Variants in THOC7 observed in about 807,000 individuals in gnomAD.
The protein encoded by THOC7 is NIF3L1-binding protein 1.
In THOC7, 22 loss-of-function variants were observed where a neutral mutation model predicts 33.1. The observed-to-expected ratio is 0.66, with a 90% confidence interval of 0.47 to 0.95. The LOEUF is 0.95. THOC7 is among the 40% of genes least tolerant of loss of function. The pLI, the probability that THOC7 is intolerant of heterozygous loss-of-function variation, is 0.00. For missense variants in THOC7, 184 were observed against 245.3 expected (o/e 0.75, Z 1.67); for synonymous variants, 77 against 76.8 (o/e 1.00, Z -0.01).
At chr3:63,841,467 G>A (rs2107130813) in intron 1 of THOC7, among the ~76,000 whole-genome samples, 1 of 152,284 alleles carries the variant, frequency 6.6e-6, no homozygotes, top group African/African-American at 2.4e-5. Context: ...TGAATCAACA[G>A]CAAAATCTTT....
chr3:63,851,282 T>C (rs1278080117), intron 1 of THOC7, among the ~76,000 whole-genome samples: 1 of 152,218 alleles, frequency 6.6e-6, no homozygotes, highest in African/African-American at 2.4e-5. Context: ...AAACACATGC[T>C]GAGACTAGAA....
chr3:63,834,215 A>C lies in THOC7; in HGVS notation c.548-16T>G. On this transcript the variant is annotated splice_polypyrimidine_tract_variant and intron_variant, in intron 7 of 7. Coordinates refer to ENST00000295899, the MANE Select transcript of THOC7 (RefSeq NM_025075.4). ...TTTTCATCATCTGTAATTGAGAAGGAAACATAAAACCTTAGTCAAGTTTGC... is the reference window on the plus strand; with the variant it reads ...TTTTCATCATCTGTAATTGAGAAGGCAACATAAAACCTTAGTCAAGTTTGC... The C allele has an allele frequency of 6.2e-7, 1 of 1,613,402 alleles. No individual in the cohort carries two copies. The highest frequency in any genetic ancestry group is 8.5e-7 in the Non-Finnish European group (1 of 1,179,618).
chr3:63,854,322 CATCTT>C (rs1210101180), intron 1 of THOC7, among the ~76,000 whole-genome samples: 3 of 152,152 alleles, frequency 2.0e-5, no homozygotes, highest in Non-Finnish European at 4.4e-5. Flanking sequence ...TTTTTAATGA[CATCTT>C]ATCAATTAGC....
chr3:63,844,209 A>G (rs1262630052), intron 1 of THOC7, among the ~76,000 whole-genome samples: 3 of 152,144 alleles, frequency 2.0e-5, no homozygotes, highest in Non-Finnish European at 4.4e-5. Flanking sequence ...GGCTAGGGAG[A>G]AGGAGGTTGG....
At chr3:63,863,308 C>G (rs1376435283) in intron 1 of THOC7, 4 of 393,688 alleles carry the variant, frequency 1.0e-5, no homozygotes, top group African/African-American at 8.7e-5. Flanking sequence ...CTCCCACTCC[C>G]TCCCAGACCT....
chr3:63,840,800 G>A (rs1259215592), intron 1 of THOC7, among the ~76,000 whole-genome samples: 3 of 152,068 alleles, frequency 2.0e-5, no homozygotes, highest in Non-Finnish European at 2.9e-5. Flanking sequence ...TAAAACTGTT[G>A]GCAAGGGTGT....
At chr3:63,863,616 CCGGGGCTCCGGGGAGAGGT>C in intron 1 of THOC7, 137 bp downstream of exon 1, 1 of 1,196,504 alleles carries the variant, frequency 8.4e-7, no homozygotes, top group African/African-American at 1.6e-5. Flanking sequence ...CCGGGGAGGC[CCGGGGCTCCGGGGAGAGGT>C]CGGGAAGGCC....
intron 1 of THOC7, among the ~76,000 whole-genome samples, chr3:63,862,038 G>T (rs1702233384): frequency 6.6e-6 from 1 of 152,074 alleles, no homozygotes. Flanking sequence ...AGGTCCGCCT[G>T]CCTTGGCCTC....
intron 1 of THOC7, among the ~76,000 whole-genome samples, chr3:63,854,932 C>T (rs1702083017): frequency 1.3e-5 from 2 of 150,574 alleles, no homozygotes; most frequent in South Asian, 4.2e-4. Context: ...GGCGTGAACC[C>T]GGGAGGCGGA....
intron 1 of THOC7, among the ~76,000 whole-genome samples, chr3:63,852,703 A>G (rs1428954261): frequency 6.6e-6 from 1 of 152,196 alleles, no homozygotes; most frequent in Non-Finnish European, 1.5e-5. Context: ...GGAAACTGGG[A>G]GTTGCTAAAG....
intron 1 of THOC7, among the ~76,000 whole-genome samples, chr3:63,853,903 G>A (rs1313388893): frequency 7.0e-5 from 10 of 142,688 alleles, no homozygotes; most frequent in Non-Finnish European, 1.2e-4. Context: ...GCGAGACTCC[G>A]TCTCAAAAAA....
intron 4 of THOC7, among the ~76,000 whole-genome samples, chr3:63,837,333 A>T (rs1204167386): frequency 9.6e-6 from 1 of 104,086 alleles, no homozygotes; most frequent in African/African-American, 2.6e-5. Context: ...GTGATTACAC[A>T]TTATATTTTT....
At chr3:63,853,691 G>A (rs565835242) in intron 1 of THOC7, among the ~76,000 whole-genome samples, 44 of 152,268 alleles carry the variant, frequency 2.9e-4, no homozygotes, top group South Asian at 1.0e-3. Flanking sequence ...GGAGGATCAC[G>A]AGGTCAGGAG....
rs533746990 is a variant in THOC7 at position 63,858,100 on chromosome 3, C to G, written c.19+5672G>C. 2.0e-5 allele frequency among the ~76,000 whole-genome samples: 3 copies of G among 152,288 alleles called. No individual in the cohort carries two copies. In the South Asian group the frequency reaches 6.2e-4, roughly 32 times the overall value. ...GCAATTGAAATAGGAATAACAGCAG[C>G]AGCAAACACTTGCACAGCATTTATA... On this transcript the variant is annotated intron_variant, in intron 1 of 7. Coordinates refer to ENST00000295899, the MANE Select transcript of THOC7 (RefSeq NM_025075.4).
chr3:63,838,276 A>G, intron 3 of THOC7, 96 bp downstream of exon 3: 1 of 1,004,742 alleles, frequency 1.0e-6, no homozygotes, highest in Non-Finnish European at 1.4e-6. Context: ...AGTAATTGTT[A>G]TTATTCTTTT....
chr3:63,843,091 C>T (rs1019313040), intron 1 of THOC7, among the ~76,000 whole-genome samples: 1 of 148,818 alleles, frequency 6.7e-6, no homozygotes, highest in Non-Finnish European at 1.5e-5. Context: ...CTGCCCCAAC[C>T]CCTCCAAAAA....
At chr3:63,842,616 T>C (rs1490574266) in intron 1 of THOC7, among the ~76,000 whole-genome samples, 5 of 152,078 alleles carry the variant, frequency 3.3e-5, no homozygotes, top group African/African-American at 1.2e-4. Context: ...TCAAATACCA[T>C]ATGTTCTCAC....
At chr3:63,843,348 C>T (rs1202396182) in intron 1 of THOC7, among the ~76,000 whole-genome samples, 1 of 151,196 alleles carries the variant, frequency 6.6e-6, no homozygotes, top group East Asian at 2.0e-4. Context: ...AAACTTCTGA[C>T]CTCAAATGAT....
At chr3:63,863,708 G>C in intron 1 of THOC7, 64 bp downstream of exon 1, 1 of 1,245,020 alleles carries the variant, frequency 8.0e-7, no homozygotes, top group Non-Finnish European at 1.0e-6. Flanking sequence ...CGGGAGGCCA[G>C]GGGTCTCAGG....
Sources: gnomAD v4.1 joint callset for allele counts (sites outside exome capture counted in the v4.1 genomes callset) on GRCh38, gnomAD v4.1.1 for gene constraint, MANE v1.5 for transcripts, NCBI Gene and HGNC (gene_info 2026-07-23, HGNC 2026-07-21) for gene names.